Variants in FASTKD5 observed in about 807,000 individuals in gnomAD.
FASTKD5 encodes the protein FAST kinase domains 5.
FASTKD5 carries 30 observed loss-of-function variants against 44.0 expected under a neutral mutation model. The ratio of observed to expected loss-of-function variants is 0.68; its 90% CI spans 0.51 to 0.93. FASTKD5 has a LOEUF of 0.93. Ranked by LOEUF, FASTKD5 falls within the 40% of genes least tolerant of loss-of-function variation. The probability of loss-of-function intolerance (pLI) is 0.00; values close to 1 mark genes in which losing one functional copy is unlikely to be tolerated. For synonymous variants in FASTKD5, 335 were observed against 342.2 expected (o/e 0.98, Z 0.23); for missense variants, 868 against 908.2 (o/e 0.96, Z 0.57).
chr20:3,151,033 C>T (rs1159776070), intron 1 of FASTKD5, among the ~76,000 whole-genome samples: 1 of 152,018 alleles, frequency 6.6e-6, no homozygotes, highest in Non-Finnish European at 1.5e-5. Context: ...AGGTGCACAC[C>T]ACCAAACCCA....
chr20:3,153,536 T>C (rs941934322), intron 1 of FASTKD5, among the ~76,000 whole-genome samples: 2 of 152,224 alleles, frequency 1.3e-5, no homozygotes, highest in Non-Finnish European at 2.9e-5. Flanking sequence ...AAAGACTGTC[T>C]GACTCTTCAG....
chr20:3,157,447 T>G (rs2066697736), intron 1 of FASTKD5, among the ~76,000 whole-genome samples: 1 of 152,236 alleles, frequency 6.6e-6, no homozygotes, highest in Admixed American at 6.5e-5. Context: ...AAACAGCACA[T>G]CACAAACATT....
In FASTKD5 at chr20:3,149,488, T is replaced by TG. The variant is rs1268372669; in HGVS notation, c.-190-229dup. Among the ~76,000 whole-genome samples the TG allele has an allele frequency of 6.6e-6, 1 of 152,164 alleles. No individual in the cohort carries two copies. The highest frequency in any genetic ancestry group is 1.5e-5 in the Non-Finnish European group (1 of 68,016). ...TACCCGTGGGCAGTTCCTGGACTGC[T>TG]GCTCACCAGACTTCCTTCACTGTAC... is the stretch of plus-strand genomic sequence containing the variant. On this transcript the variant is annotated intron_variant, in intron 1 of 1. Coordinates refer to ENST00000380266, the MANE Select transcript of FASTKD5 (RefSeq NM_021826.5). The surrounding 1 kb of genome is among the most constrained non-coding windows in gnomAD (Gnocchi z 4.1).
chr20:3,156,927 G>A (rs2066691957), intron 1 of FASTKD5: 2 of 152,070 alleles, frequency 1.3e-5, no homozygotes, highest in Admixed American at 1.3e-4. Flanking sequence ...CCCTATTCTT[G>A]TCTCAGCAAA....
intron 1 of FASTKD5, among the ~76,000 whole-genome samples, chr20:3,157,305 G>A (rs1019692989): frequency 3.3e-5 from 5 of 152,196 alleles, no homozygotes; most frequent in African/African-American, 4.8e-5. Flanking sequence ...CCAGTACTGC[G>A]AAGGTGAAGC....
intron 1 of FASTKD5, among the ~76,000 whole-genome samples, chr20:3,154,408 G>C (rs1011646872): frequency 5.9e-5 from 9 of 152,250 alleles, no homozygotes; most frequent in African/African-American, 2.2e-4. Context: ...CAGGCAGGAT[G>C]CAATGGCCCA....
In FASTKD5 at chr20:3,148,450, G is replaced by C. The variant is rs1390258400; in HGVS notation, c.621C>G (p.Ile207Met). The C allele has an allele frequency of 6.2e-7, 1 of 1,613,988 alleles. No homozygotes were observed. The highest frequency in any genetic ancestry group is 1.7e-5 in the Admixed American group (1 of 59,984). The change falls in exon 2 of 2, where the codon ATC (isoleucine) becomes ATG (methionine). Residue 207 changes from isoleucine (I) to methionine (M), a missense_variant. Ile to Met is a conservative substitution (Grantham distance 10). Coordinates refer to ENST00000380266, the MANE Select transcript of FASTKD5 (RefSeq NM_021826.5). ...KIQLFDTQDL[I>M]NVLKAFVILG... is the part of the protein sequence containing the mutation. The stretch of plus-strand genomic sequence containing the variant: ...AAATGACAAAAGCTTTCAAAACATT[G>C]ATCAGATCTTGGGTATCAAAGAGCT...
intron 1 of FASTKD5, among the ~76,000 whole-genome samples, chr20:3,158,695 C>T (rs554879946): frequency 3.9e-5 from 6 of 152,054 alleles, no homozygotes; most frequent in Admixed American, 3.3e-4. Context: ...AAGATGGTCT[C>T]GATCTCCTGA....
chr20:3,157,357 AG>A (rs2066696809), intron 1 of FASTKD5, among the ~76,000 whole-genome samples: 2 of 152,234 alleles, frequency 1.3e-5, no homozygotes. Flanking sequence ...TGTCACTCGC[AG>A]GTCTAAGCCA....
chr20:3,151,683 C>G (rs918420445), intron 1 of FASTKD5: 13 of 151,142 alleles, frequency 8.6e-5, no homozygotes, highest in African/African-American at 3.1e-4. Flanking sequence ...ATTGGAAAAA[C>G]TATAGAAAAA....
Position 3,147,921 on chromosome 20 carries a change from G to A in FASTKD5, c.1150C>T (p.Arg384Ter), listed in dbSNP as rs746148322. Residue 384 changes from arginine to a stop codon, truncating the protein, a stop_gained, in exon 2 of 2, where the codon CGA becomes TGA. Coordinates refer to ENST00000380266, the MANE Select transcript of FASTKD5 (RefSeq NM_021826.5). LOFTEE classifies it high-confidence loss of function. ...CCTTGAACTCCCAGGGAAGGAATTC[G>A]CTGAGGAGCTATCTCTCCAATCTGC... ...MKQIGEIAPQ[R>*]IPSLGVQGVM... The A allele has an allele frequency of 3.7e-6, 6 of 1,614,174 alleles. No individual in the cohort carries two copies. The highest frequency in any genetic ancestry group is 2.2e-5 in the South Asian group (2 of 91,084).
rs199920576 is a variant in FASTKD5, at chr20:3,148,867, G to A, written c.204C>T (p.Ile68=). 2.8e-5 allele frequency: 45 copies of A among 1,614,212 alleles called. No individual in the cohort carries two copies. The highest frequency in any genetic ancestry group is 3.8e-5 in the Non-Finnish European group (45 of 1,180,044). Residue 68 remains isoleucine (I), a synonymous_variant, in exon 2 of 2, where the codon ATC becomes ATT. Coordinates refer to ENST00000380266, the MANE Select transcript of FASTKD5 (RefSeq NM_021826.5). The part of the protein sequence containing the change: ...NICSTFSSRR[I]LTTSSAHPGL... Reference sequence around the variant, plus strand: ...CTGGGTGGGCACTGCTGGTTGTCAGGATTCTCCGAGAAGAGAAGGTGCTAC... The same window carrying A: ...CTGGGTGGGCACTGCTGGTTGTCAGAATTCTCCGAGAAGAGAAGGTGCTAC...
rs771929207 is a variant in FASTKD5 at position 3,148,410 on chromosome 20, A to G, written c.661T>C (p.Ser221Pro). 6.2e-7 allele frequency: 1 copy of G among 1,614,154 alleles called. No homozygotes were observed. Among genetic ancestry groups the G allele is most frequent in the East Asian group, 2.2e-5 (1 of 44,890 alleles). ...TCATACACATCTAGCATTGAATGGG[A>G]GTGAGGGATTCCTAAAATGACAAAA... ...KAFVILGIPHSHSMLDVYETK... is the reference protein window; with the variant it reads ...KAFVILGIPHPHSMLDVYETK... Residue 221 changes from serine to proline, a missense_variant, in exon 2 of 2, where the codon TCC becomes CCC. Transcript: ENST00000380266.
chr20:3,147,572 C>A lies in FASTKD5; in HGVS notation c.1499G>T (p.Arg500Met). The A allele has an allele frequency of 1.2e-6, 2 of 1,614,186 alleles. No individual in the cohort carries two copies. Among genetic ancestry groups the A allele is most frequent in the Non-Finnish European group, 1.7e-6 (2 of 1,180,044 alleles). Residue 500 changes from arginine to methionine, a missense_variant, in exon 2 of 2, where the codon AGG becomes ATG. Physicochemically the swap from Arg to Met is moderately conservative, Grantham distance 91. Coordinates refer to ENST00000380266, the MANE Select transcript of FASTKD5 (RefSeq NM_021826.5). ...AAACTTAGTTCTCTCCTGAGCTAAC[C>A]TGACAAACCCTGGACTGAGAGCGAA... ...IDFALSPGFV[R>M]LAQERTKFDL...
intron 1 of FASTKD5, among the ~76,000 whole-genome samples, chr20:3,158,685 A>G (rs1343909622): frequency 6.6e-6 from 1 of 151,952 alleles, no homozygotes; most frequent in Non-Finnish European, 1.5e-5. Context: ...CATATTAGCC[A>G]AGATGGTCTC....
At chr20:3,152,474 C>A (rs1346888882) in intron 1 of FASTKD5, among the ~76,000 whole-genome samples, 1 of 151,894 alleles carries the variant, frequency 6.6e-6, no homozygotes, top group Admixed American at 6.6e-5. Context: ...TGCACTGCAG[C>A]CCGGGCGATA....
intron 1 of FASTKD5, among the ~76,000 whole-genome samples, chr20:3,152,865 T>C (rs1174183661): frequency 3.0e-4 from 46 of 151,398 alleles, no homozygotes; most frequent in Non-Finnish European, 4.4e-5. Flanking sequence ...GAGATCATAC[T>C]ACTGCATTGC....
chr20:3,153,533 G>A (rs2066653143), intron 1 of FASTKD5, among the ~76,000 whole-genome samples: 1 of 152,226 alleles, frequency 6.6e-6, no homozygotes, highest in South Asian at 2.1e-4. Flanking sequence ...ATTAAAGACT[G>A]TCTGACTCTT....
chr20:3,147,752 A>G lies in FASTKD5; in HGVS notation c.1319T>C (p.Leu440Pro), dbSNP rs370208800. 4 of 1,614,118 alleles carry G rather than the reference A, an allele frequency of 2.5e-6. No individual in the cohort carries two copies. In the African/African-American group the frequency reaches 5.3e-5, roughly 22 times the overall value. Residue 440 changes from leucine to proline, a missense_variant, in exon 2 of 2, where the codon CTG (leucine) becomes CCG (proline). Coordinates refer to ENST00000380266, the MANE Select transcript of FASTKD5 (RefSeq NM_021826.5). The stretch of plus-strand genomic sequence containing the variant: ...TTCTGCATTGGGTGGCTTATAATTC[A>G]GAGTTCCAAATGACCACAGAATCTT... Reference protein sequence around the residue: ...VAKILWSFGTLNYKPPNAEEF... With the variant: ...VAKILWSFGTPNYKPPNAEEF...
Sources: allele counts gnomAD v4.1 joint callset (sites outside exome capture counted in the v4.1 genomes callset), GRCh38; gene constraint gnomAD v4.1.1; non-coding constraint Gnocchi (gnomAD v3.1); transcripts MANE v1.5; gene names NCBI Gene and HGNC (gene_info 2026-07-23, HGNC 2026-07-21).